SOD2: variants seen among roughly 807,000 people sequenced by gnomAD.
SOD2 encodes superoxide dismutase 2, also known as superoxide dismutase [Mn], mitochondrial.
In SOD2, 11 loss-of-function variants were observed where a neutral mutation model predicts 27.0. The ratio of observed to expected loss-of-function variants is 0.41; its 90% CI spans 0.26 to 0.67. The LOEUF is 0.67. Among genes scored for constraint, SOD2 ranks in the 30% least tolerant of loss-of-function variants. SOD2 has a pLI of 0.34. For synonymous variants in SOD2, 105 were observed against 103.0 expected, an observed-to-expected ratio of 1.02 and a Z score of -0.12; for missense variants, 250 against 274.5, an observed-to-expected ratio of 0.91 and a Z score of 0.63.
At chr6:159,685,793 G>A (rs1310326235) in intron 3 of SOD2, among the ~76,000 whole-genome samples, 3 of 151,992 alleles carry the variant, frequency 2.0e-5, no homozygotes, top group Non-Finnish European at 4.4e-5. Flanking sequence ...TTGGTTTTCT[G>A]TTCCTGGGTT....
Position 159,682,570 on chromosome 6 carries a change from G to A in SOD2, c.592C>T (p.Pro198Ser). ...AYYLQYKNVRPDYLKAIWNVI... is the reference protein window; with the variant it reads ...AYYLQYKNVRSDYLKAIWNVI... ...TTCCAAATAGCTTTTAGATAATCAGGCCTGACATTTTTATACTGAAGGTAG... is the reference window on the plus strand; with the variant it reads ...TTCCAAATAGCTTTTAGATAATCAGACCTGACATTTTTATACTGAAGGTAG... Residue 198 changes from proline (P) to serine (S), a missense_variant, in exon 5 of 5, where the codon CCT becomes TCT. Physicochemically the swap from Pro to Ser is moderately conservative, Grantham distance 74 (BLOSUM62 -1). Coordinates refer to ENST00000538183, the MANE Select transcript of SOD2 (RefSeq NM_000636.4). 1 of 1,613,920 alleles carries A rather than the reference G, an allele frequency of 6.2e-7. No individual in the cohort carries two copies. The highest frequency in any genetic ancestry group is 1.1e-5 in the South Asian group (1 of 91,068).
Position 159,669,595 on chromosome 6 carries a change from C to G in SOD2, c.*12898G>C, listed in dbSNP as rs1779612339. ...CCAAAGCAGGAGGACTGCTTTGAGA[C>G]CCAGAGTTTGAGACTAGCCAGGCAA... is the stretch of plus-strand genomic sequence containing the variant. On this transcript the variant is annotated 3_prime_UTR_variant, in exon 5 of 5. Coordinates refer to ENST00000538183, the MANE Select transcript of SOD2 (RefSeq NM_000636.4). The G allele has an allele frequency of 6.6e-6, 1 of 152,064 alleles. No individual in the cohort carries two copies. The highest frequency in any genetic ancestry group is 6.6e-5 in the Admixed American group (1 of 15,252). The allele number at this position is 152,064 out of a possible 1,614,324, so 9.4% of individuals were successfully genotyped here.
intron 1 of SOD2, among the ~76,000 whole-genome samples, chr6:159,737,944 A>G (rs554150166): frequency 2.4e-4 from 37 of 151,448 alleles, no homozygotes; most frequent in African/African-American, 8.4e-4. Flanking sequence ...AGGAAGTTGC[A>G]AATAAATGTA....
rs1190333333 is a variant in SOD2 at position 159,673,395 on chromosome 6, C to A, written c.*9098G>T. On this transcript the variant is annotated 3_prime_UTR_variant, in exon 5 of 5. Coordinates refer to ENST00000538183, the MANE Select transcript of SOD2 (RefSeq NM_000636.4). ...GTAAAAGAACAGAAATTATAACATACTGTCTCAGACCACAGTGCAATCAAA... is the reference window on the plus strand; with the variant it reads ...GTAAAAGAACAGAAATTATAACATAATGTCTCAGACCACAGTGCAATCAAA... 6.6e-6 allele frequency: 1 copy of A among 152,178 alleles called. No individual in the cohort carries two copies. The highest frequency in any genetic ancestry group is 1.9e-4 in the East Asian group (1 of 5,174). The allele number at this position is 152,178 out of a possible 1,614,324, so 9.4% of individuals were successfully genotyped here. A position where few individuals can be genotyped will look rare whatever the true frequency, so the allele number is the denominator to read the frequency against.
At chr6:159,721,904 G>C (rs1170438899) in intron 1 of SOD2, among the ~76,000 whole-genome samples, 1 of 151,952 alleles carries the variant, frequency 6.6e-6, no homozygotes, top group Non-Finnish European at 1.5e-5. Context: ...TCATCTAAAG[G>C]TTTTGAAGTC....
chr6:159,718,121 T>C (rs1777958673), intron 1 of SOD2, among the ~76,000 whole-genome samples: 3 of 152,082 alleles, frequency 2.0e-5, no homozygotes, highest in Non-Finnish European at 4.4e-5. Context: ...GCCTCCCAAG[T>C]AGCTGGGACT....
intron 1 of SOD2, chr6:159,726,763 G>A (rs1420451179): frequency 7.8e-7 from 1 of 1,288,428 alleles, no homozygotes; most frequent in Admixed American, 2.3e-5. Flanking sequence ...CTCCAGAGAT[G>A]TCAAGGAGGA....
At chr6:159,745,385 C>T (rs993973294), upstream of SOD2, among the ~76,000 whole-genome samples, 8 of 152,044 alleles carry the variant, frequency 5.3e-5, no homozygotes, top group Non-Finnish European at 1.0e-4. Flanking sequence ...CTTGTCTCCT[C>T]GACCTGGATT....
intron 1 of SOD2, among the ~76,000 whole-genome samples, chr6:159,705,786 A>G (rs1482590557): frequency 3.3e-5 from 5 of 152,294 alleles, no homozygotes; most frequent in South Asian, 2.1e-4. Flanking sequence ...GATACTCCTC[A>G]AGAAGAGCAA....
chr6:159,733,857 G>A (rs532852176), intron 1 of SOD2, among the ~76,000 whole-genome samples: 1 of 152,150 alleles, frequency 6.6e-6, no homozygotes, highest in South Asian at 2.1e-4. Context: ...CGGAGGTTGC[G>A]GTGAGCCGAG....
In SOD2 at chr6:159,712,120, C is replaced by A. The variant is rs1344778189; in HGVS notation, c.-116+15009G>T. ...CATAACCACCACTCAGCTGCTCAGA[C>A]CTCCATAACCACCTCCATAACCACC... On this transcript the variant is annotated intron_variant, in intron 1 of 2. Transcript: ENST00000401980. Among the ~76,000 whole-genome samples, 2 of 39,646 alleles carry A rather than the reference C, an allele frequency of 5.0e-5. 1 individual carries two copies. The highest frequency in any genetic ancestry group is 1.2e-4 in the African/African-American group (2 of 16,376). 26.0% of individuals were successfully genotyped at this position (39,646 alleles called of 152,430 possible).
rs771231764 is a variant in SOD2 at position 159,753,366 on chromosome 6, T to C, written c.-335-4690A>G. The C allele has an allele frequency of 1.6e-5, 24 of 1,531,460 alleles. No homozygotes were observed. The Middle Eastern group carries it at 6.8e-4, about 43-fold the overall frequency. 94.9% of individuals were successfully genotyped at this position (1,531,460 alleles called of 1,614,324 possible). On this transcript the variant is annotated intron_variant, in intron 1 of 7. Transcript: ENST00000546087. ...GGAAGCATCTGCTGTGATATAGTTA[T>C]GTTTGTATGTGTTACATCTATCACT...
rs1422766110 is a variant in SOD2, at chr6:159,679,560, G to A, written c.*2933C>T. 2.6e-5 allele frequency: 4 copies of A among 152,140 alleles called. No homozygotes were observed. Among genetic ancestry groups the A allele is most frequent in the African/African-American group, 9.7e-5 (4 of 41,424 alleles). The allele number at this position is 152,140 out of a possible 1,614,324, so 9.4% of individuals were successfully genotyped here. A position where few individuals can be genotyped will look rare whatever the true frequency, so the allele number is the denominator to read the frequency against. On this transcript the variant is annotated 3_prime_UTR_variant, in exon 5 of 5. Coordinates refer to ENST00000538183, the MANE Select transcript of SOD2 (RefSeq NM_000636.4). ...AAAGTTGTGATTTCTCAACATCAAA[G>A]TTTAATTATTACAAAATAGTTCAAG... is the stretch of plus-strand genomic sequence containing the variant.
upstream of SOD2, chr6:159,693,254 C>A: frequency 7.6e-7 from 1 of 1,311,658 alleles, no homozygotes; most frequent in Non-Finnish European, 1.0e-6. Flanking sequence ...CGCTCCTGCG[C>A]CGCCCGCGGG....
At chr6:159,688,385 C>G in intron 2 of SOD2, 143 bp from the exon 3 acceptor site, 1 of 592,552 alleles carries the variant, frequency 1.7e-6, no homozygotes, top group Non-Finnish European at 3.0e-6. Flanking sequence ...TTCAGCACCC[C>G]CCCGCCCCAA....
At chr6:159,750,515 A>C (rs1278458244) in intron 1 of SOD2, among the ~76,000 whole-genome samples, 1 of 152,236 alleles carries the variant, frequency 6.6e-6, no homozygotes, top group Admixed American at 6.5e-5. Flanking sequence ...AACTGCTATT[A>C]CTTTTTCTTG....
At chr6:159,708,441 A>T (rs1266304542) in intron 1 of SOD2, among the ~76,000 whole-genome samples, 1 of 152,212 alleles carries the variant, frequency 6.6e-6, no homozygotes, top group Non-Finnish European at 1.5e-5. Context: ...CAAAATCAAT[A>T]TGCAAAAATC....
chr6:159,678,621 T>C lies in SOD2; in HGVS notation c.*3872A>G, dbSNP rs915686865. The stretch of plus-strand genomic sequence containing the variant: ...ATAAAGTAATAAAATTAAAAATGGG[T>C]AAACATAAGTAGAGTGTTTCTCTGT... On this transcript the variant is annotated 3_prime_UTR_variant, in exon 5 of 5. Coordinates refer to ENST00000538183, the MANE Select transcript of SOD2 (RefSeq NM_000636.4). 6 of 152,188 alleles carry C rather than the reference T, an allele frequency of 3.9e-5. No homozygotes were observed. The highest frequency in any genetic ancestry group is 1.2e-4 in the African/African-American group (5 of 41,448). 9.4% of individuals were successfully genotyped at this position (152,188 alleles called of 1,614,324 possible).
chr6:159,720,104 C>T (rs1046877455), intron 1 of SOD2, among the ~76,000 whole-genome samples: 2 of 151,126 alleles, frequency 1.3e-5, no homozygotes, highest in Admixed American at 1.3e-4. Flanking sequence ...GATCTCAGCT[C>T]ATTGCAACCT....
Sources: gnomAD v4.1 joint callset for allele counts (sites outside exome capture counted in the v4.1 genomes callset) on GRCh38, gnomAD v4.1.1 for gene constraint, MANE v1.5 for transcripts, NCBI Gene and HGNC (gene_info 2026-07-23, HGNC 2026-07-21) for gene names.